The following IL17RB variants were observed in gnomAD, a reference collection of about 807,000 sequenced individuals.
IL17RB encodes the protein interleukin 17 receptor B.
In IL17RB, 36 loss-of-function variants were observed where a neutral mutation model predicts 43.9. That is an observed-to-expected ratio of 0.82 (90% CI 0.63 to 1.08). The LOEUF is 1.08. IL17RB is among the 50% of genes least tolerant of loss of function. The probability of loss-of-function intolerance (pLI) is 0.00; values close to 1 mark genes in which losing one functional copy is unlikely to be tolerated. For missense variants in IL17RB, 613 were observed against 613.6 expected, an observed-to-expected ratio of 1.00 and a Z score of 0.01; for synonymous variants, 225 against 225.4, an observed-to-expected ratio of 1.00 and a Z score of 0.02.
At chr3:53,862,125 CCCAGGAAGCGACTG>C (rs1699584246) in intron 10 of IL17RB, among the ~76,000 whole-genome samples, 1 of 152,166 alleles carries the variant, frequency 6.6e-6, no homozygotes, top group African/African-American at 2.4e-5. Flanking sequence ...GAAGTACCTT[CCCAGGAAGCGACTG>C]CCTTTTAAAG....
At chr3:53,852,784 T>A in intron 4 of IL17RB, 87 bp from the exon 5 acceptor site, 3 of 1,323,260 alleles carry the variant, frequency 2.3e-6, no homozygotes, top group Non-Finnish European at 3.2e-6. Flanking sequence ...AGTAATGAAA[T>A]ACAAACTAAA....
At chr3:53,857,771 T>G in intron 8 of IL17RB, 81 bp downstream of exon 8, 1 of 1,269,726 alleles carries the variant, frequency 7.9e-7, no homozygotes, top group Non-Finnish European at 1.1e-6. Flanking sequence ...GGATGAGTTC[T>G]CTCTTGTCAA....
intron 2 of IL17RB, 70 bp from the exon 3 acceptor site, chr3:53,849,585 T>C: frequency 7.2e-7 from 1 of 1,384,162 alleles, no homozygotes; most frequent in Non-Finnish European, 9.7e-7. Context: ...TGTGAGTCAC[T>C]GAGAGGAGAT....
In IL17RB at chr3:53,851,698, A is replaced by T. The variant is rs149532550; in HGVS notation, c.227-301A>T. Reference sequence around the variant, plus strand: ...CCCAGAATAGTGCAGAGCTATAGCCACCTTTGCAGGCATCCTATGAAATTC... The same window carrying T: ...CCCAGAATAGTGCAGAGCTATAGCCTCCTTTGCAGGCATCCTATGAAATTC... On this transcript the variant is annotated intron_variant, in intron 3 of 10. Coordinates refer to ENST00000288167, the MANE Select transcript of IL17RB (RefSeq NM_018725.4). Among the ~76,000 whole-genome samples the T allele has an allele frequency of 2.6e-3, 391 of 152,256 alleles. 5 individuals are homozygous for T. Among genetic ancestry groups the T allele is most frequent in the African/African-American group, 9.0e-3 (375 of 41,536 alleles).
rs2107036748 is a variant in IL17RB at position 53,865,070 on chromosome 3, C to A, written c.1271C>A (p.Pro424His). 17 of 1,614,158 alleles carry A rather than the reference C, an allele frequency of 1.1e-5. No homozygotes were observed. The highest frequency in any genetic ancestry group is 1.4e-5 in the Non-Finnish European group (17 of 1,179,984). Residue 424 changes from proline (P) to histidine (H), a missense_variant, in exon 11 of 11, where the codon CCC becomes CAC. Transcript: ENST00000288167. ...SPSENSQDLF[P>H]LAFNLFCSDL... is the part of the protein sequence containing the mutation. ...AGTGAGAACTCTCAAGACCTCTTCC[C>A]CCTTGCCTTTAACCTTTTCTGCAGT...
At position 53,865,708 on chromosome 3, in the gene IL17RB, A is replaced by G. The variant is rs1699761391; in HGVS notation, c.*400A>G. On this transcript the variant is annotated 3_prime_UTR_variant, in exon 11 of 11. Transcript: ENST00000288167. ...AGAACCCCTCACTGATTCACTCAAT[A>G]GCATCTTAAGTGAAAAACCTTCTAT... The G allele has an allele frequency of 6.3e-6, 1 of 158,180 alleles. No homozygotes were observed. The highest frequency in any genetic ancestry group is 2.0e-4 in the South Asian group (1 of 5,050). The allele number at this position is 158,180 out of a possible 1,614,324, so 9.8% of individuals were successfully genotyped here. A position where few individuals can be genotyped will look rare whatever the true frequency, so the allele number is the denominator to read the frequency against.
At chr3:53,857,736 C>A in intron 8 of IL17RB, 46 bp downstream of exon 8, 1 of 1,489,996 alleles carries the variant, frequency 6.7e-7, no homozygotes, top group Non-Finnish European at 9.4e-7. Context: ...ACATAGAAGA[C>A]TGTTCCATCA....
chr3:53,864,774 C>T lies in IL17RB; in HGVS notation c.975C>T (p.Thr325=). ...GGATCAAGAAGACTTCCTTTTCTAC[C>T]ACCACACTACTGCCCCCCATTAAGG... ...HERIKKTSFS[T]TTLLPPIKVL... Residue 325 remains threonine (T), a synonymous_variant, in exon 11 of 11, where the codon ACC becomes ACT. Coordinates refer to ENST00000288167, the MANE Select transcript of IL17RB (RefSeq NM_018725.4). 1 of 1,610,608 alleles carries T rather than the reference C, an allele frequency of 6.2e-7. No individual in the cohort carries two copies. The highest frequency in any genetic ancestry group is 8.5e-7 in the Non-Finnish European group (1 of 1,178,284).
In IL17RB at chr3:53,856,913, C is replaced by A. The variant is rs778934834; in HGVS notation, c.599C>A (p.Thr200Asn). Residue 200 changes from threonine (T) to asparagine (N), a missense_variant, in exon 7 of 11, where the codon ACC (threonine) becomes AAC (asparagine). Thr to Asn is a moderately conservative substitution (Grantham distance 65). Transcript: ENST00000288167. ...GAGACAGTAGAAGTGAACTTCACAA[C>A]CACTCCCCTGGGAAACAGATACATG... Reference protein sequence around the residue: ...NEETVEVNFTTTPLGNRYMAL... With the variant: ...NEETVEVNFTNTPLGNRYMAL... 1.2e-6 allele frequency: 2 copies of A among 1,613,986 alleles called. No individual in the cohort carries two copies. Among genetic ancestry groups the A allele is most frequent in the Non-Finnish European group, 1.7e-6 (2 of 1,179,864 alleles).
rs1406411812 is a variant in IL17RB, at chr3:53,849,534, A to AT, written c.86-121_86-120insT. On this transcript the variant is annotated intron_variant, in intron 2 of 10. Transcript: ENST00000288167. ...CTACAAAAAACATTTTTTTAATTAA[A>AT]AAAAAAAGAAGTGAGGAATTGTGAA... 5 of 955,410 alleles carry AT rather than the reference A, an allele frequency of 5.2e-6. No homozygotes were observed. The Admixed American group carries it at 1.5e-4, about 29-fold the overall frequency. 59.2% of individuals were successfully genotyped at this position (955,410 alleles called of 1,614,324 possible). A position where few individuals can be genotyped will look rare whatever the true frequency, so the allele number is the denominator to read the frequency against.
chr3:53,849,771 G>T lies in IL17RB; in HGVS notation c.202G>T (p.Val68Leu), dbSNP rs1699067010. 6.2e-7 allele frequency: 1 copy of T among 1,607,888 alleles called. No homozygotes were observed. Among genetic ancestry groups the T allele is most frequent in the African/African-American group, 1.3e-5 (1 of 74,714 alleles). Residue 68 changes from valine (V) to leucine (L), a missense_variant, in exon 3 of 11, where the codon GTA becomes TTA. Physicochemically the swap from Val to Leu is conservative, Grantham distance 32. Transcript: ENST00000288167. ...ATGDYSILMN[V>L]SWVLRADASI... ...AGGGGACTATTCAATTTTGATGAAT[G>T]TAAGCTGGGTACTCCGGGCAGATGG... is the stretch of plus-strand genomic sequence containing the variant.
At chr3:53,850,499 CAAA>C (rs57986255) in intron 3 of IL17RB, among the ~76,000 whole-genome samples, 4 of 81,882 alleles carry the variant, frequency 4.9e-5, no homozygotes, top group African/African-American at 4.7e-5. Context: ...AACTCCGTCT[CAAA>C]AAAAAAAAAA....
chr3:53,855,116 CAAAAAAAAAA>C (rs746854673), intron 5 of IL17RB, among the ~76,000 whole-genome samples, 168 bp from the exon 6 acceptor site: 11 of 69,378 alleles, frequency 1.6e-4, no homozygotes, highest in African/African-American at 3.9e-4. Flanking sequence ...GACTCCGGCT[CAAAAAAAAAA>C]AAAAAAAAAA....
rs756644027 is a variant in IL17RB at position 53,851,996 on chromosome 3, C to T, written c.227-3C>T. On this transcript the variant is annotated splice_polypyrimidine_tract_variant and splice_region_variant and intron_variant, in intron 3 of 10. Coordinates refer to ENST00000288167, the MANE Select transcript of IL17RB (RefSeq NM_018725.4). Reference sequence around the variant, plus strand: ...ACCAATGTCCTCTTGCCTATCTCGGCAGCCAGCATCCGCTTGTTGAAGGCC... The same window carrying T: ...ACCAATGTCCTCTTGCCTATCTCGGTAGCCAGCATCCGCTTGTTGAAGGCC... 7 of 1,613,994 alleles carry T rather than the reference C, an allele frequency of 4.3e-6. No individual in the cohort carries two copies. In the South Asian group the frequency reaches 4.4e-5, roughly 10 times the overall value.
In IL17RB at chr3:53,852,978, T is replaced by G. The variant is rs754422998; in HGVS notation, c.462T>G (p.Ser154=). Residue 154 remains serine, a synonymous_variant, in exon 5 of 11, where the codon TCT becomes TCG. Transcript: ENST00000288167. ...TGAATGAAGATGGCCCTTCCATGTCTGTGAATTTCACCTCACCAGGTAAAC... is the reference window on the plus strand; with the variant it reads ...TGAATGAAGATGGCCCTTCCATGTCGGTGAATTTCACCTCACCAGGTAAAC... ...ANMNEDGPSM[S]VNFTSPGCLD... 1.9e-6 allele frequency: 3 copies of G among 1,614,014 alleles called. No individual in the cohort carries two copies. The African/African-American group carries it at 4.0e-5, about 22-fold the overall frequency.
In IL17RB at chr3:53,853,124, A is replaced by G. The variant is rs911031842; in HGVS notation, c.481+127A>G. The G allele has an allele frequency of 6.7e-6, 7 of 1,045,198 alleles. No individual in the cohort carries two copies. The African/African-American group carries it at 9.6e-5, about 14-fold the overall frequency. 64.7% of individuals were successfully genotyped at this position (1,045,198 alleles called of 1,614,324 possible). A position where few individuals can be genotyped will look rare whatever the true frequency, so the allele number is the denominator to read the frequency against. ...TTGCTAAATCTCAGTTCCCTTATCT[A>G]AAGCATGGACACAGTAGTAACCATA... On this transcript the variant is annotated intron_variant, in intron 5 of 10. Coordinates refer to ENST00000288167, the MANE Select transcript of IL17RB (RefSeq NM_018725.4).
intron 10 of IL17RB, 82 bp from the exon 11 acceptor site, chr3:53,864,664 G>A (rs1699714634): frequency 2.9e-6 from 3 of 1,042,150 alleles, no homozygotes; most frequent in Non-Finnish European, 4.2e-6. Flanking sequence ...TCTAGCAAGG[G>A]ATCATTTGTC....
At chr3:53,858,420 A>G (rs984044634) in intron 8 of IL17RB, 2 of 1,140,112 alleles carry the variant, frequency 1.8e-6, no homozygotes, top group African/African-American at 3.2e-5. Flanking sequence ...TTCTAGAGGA[A>G]ATGTTTGTCT....
At chr3:53,850,920 G>T (rs1187126277) in intron 3 of IL17RB, among the ~76,000 whole-genome samples, 2 of 152,238 alleles carry the variant, frequency 1.3e-5, no homozygotes, top group Non-Finnish European at 2.9e-5. Context: ...CATACTGGTT[G>T]CATGAGTGTC....
Sources: gnomAD v4.1 joint callset for allele counts (sites outside exome capture counted in the v4.1 genomes callset) on GRCh38, gnomAD v4.1.1 for gene constraint, MANE v1.5 for transcripts, NCBI Gene and HGNC (gene_info 2026-07-23, HGNC 2026-07-21) for gene names.